DEPTOR: variants seen among roughly 807,000 people sequenced by gnomAD.
DEPTOR encodes the protein DEP domain containing MTOR interacting protein, also known as DEP domain-containing mTOR-interacting protein.
DEPTOR carries 41 observed loss-of-function variants against 41.6 expected under a neutral mutation model. The observed-to-expected ratio is 0.98, with a 90% CI of 0.77 to 1.28. DEPTOR has a LOEUF of 1.28. DEPTOR is among the 50% of genes most tolerant of loss of function. DEPTOR has a pLI of 0.00. For missense variants in DEPTOR, 514 were observed against 527.9 expected (o/e 0.97, Z 0.26); for synonymous variants, 195 against 192.3 (o/e 1.01, Z -0.12).
intron 1 of DEPTOR, among the ~76,000 whole-genome samples, chr8:119,907,601 T>A (rs1413374169): frequency 2.0e-5 from 3 of 152,170 alleles, no homozygotes; most frequent in Non-Finnish European, 4.4e-5. Context: ...GAGACCACAC[T>A]GGCCAACATG....
At chr8:120,019,611 T>C (rs1812667400) in intron 8 of DEPTOR, among the ~76,000 whole-genome samples, 1 of 152,174 alleles carries the variant, frequency 6.6e-6, no homozygotes, top group Non-Finnish European at 1.5e-5. Context: ...TAACTAGGGA[T>C]ATGTGTGGTG....
rs1812863797 is a variant in DEPTOR at position 120,030,170 on chromosome 8, G to A, written c.1102-19406G>A. 2.6e-5 allele frequency among the ~76,000 whole-genome samples: 4 copies of A among 152,082 alleles called. No individual in the cohort carries two copies. The South Asian group carries it at 8.3e-4, about 32-fold the overall frequency. On this transcript the variant is annotated intron_variant, in intron 8 of 8. Transcript: ENST00000286234. The stretch of plus-strand genomic sequence containing the variant: ...AAGCCAGGGGAGGCCAAATACTATG[G>A]CGGACCCTCATCTGTGTAAGCTGGA...
intron 3 of DEPTOR, among the ~76,000 whole-genome samples, chr8:119,933,897 T>TTTTTAG (rs1156876505): frequency 6.6e-6 from 1 of 152,160 alleles, no homozygotes; most frequent in Non-Finnish European, 1.5e-5. Flanking sequence ...TTTATTTTTA[T>TTTTTAG]TTATAAGAGT....
chr8:119,965,316 C>A lies in DEPTOR; in HGVS notation c.510C>A (p.Phe170Leu), dbSNP rs757607698. ...AGCGCACCTTCATGGCATCTGAATT[C>A]CTGGACTGGCTGGTTCAGGAAGGTG... ...KYERTFMASE[F>L]LDWLVQEGEA... Residue 170 changes from phenylalanine to leucine, a missense_variant, in exon 4 of 9, where the codon TTC (phenylalanine) becomes TTA (leucine). Transcript: ENST00000286234. 6 of 1,613,996 alleles carry A rather than the reference C, an allele frequency of 3.7e-6. No individual in the cohort carries two copies. Among genetic ancestry groups the A allele is most frequent in the Non-Finnish European group, 4.2e-6 (5 of 1,180,026 alleles).
At chr8:119,887,485 TC>T (rs1827387922) in intron 1 of DEPTOR, among the ~76,000 whole-genome samples, 1 of 53,808 alleles carries the variant, frequency 1.9e-5, no homozygotes, top group Non-Finnish European at 3.3e-5. Context: ...TCCCCTCCCT[TC>T]CCCTTCCCTT....
At chr8:120,045,767 A>G (rs148845429) in intron 8 of DEPTOR, among the ~76,000 whole-genome samples, 59 of 152,264 alleles carry the variant, frequency 3.9e-4, no homozygotes, top group African/African-American at 1.3e-3. Flanking sequence ...TCCCTTGCCT[A>G]TGTCCTTCCC....
intron 8 of DEPTOR, among the ~76,000 whole-genome samples, chr8:120,022,251 G>A (rs1290868173): frequency 6.6e-6 from 1 of 150,602 alleles, no homozygotes; most frequent in Admixed American, 6.6e-5. Flanking sequence ...GCAAATGCTG[G>A]TATTACAAGT....
At chr8:119,969,286 G>A (rs1038055868) in intron 4 of DEPTOR, among the ~76,000 whole-genome samples, 2 of 151,598 alleles carry the variant, frequency 1.3e-5, no homozygotes, top group Admixed American at 1.3e-4. Flanking sequence ...GCTATAAACA[G>A]AAACACCATA....
chr8:119,984,730 C>T (rs111571491), intron 4 of DEPTOR, among the ~76,000 whole-genome samples: 6 of 152,240 alleles, frequency 3.9e-5, no homozygotes, highest in African/African-American at 9.6e-5. Flanking sequence ...TATAAACATA[C>T]GTGTGCATGT....
At chr8:119,897,258 G>GGAGC (rs1221281930) in intron 1 of DEPTOR, among the ~76,000 whole-genome samples, 1 of 152,116 alleles carries the variant, frequency 6.6e-6, no homozygotes, top group South Asian at 2.1e-4. Flanking sequence ...TTCCAGGTCG[G>GGAGC]GAGCGGTGGC....
chr8:119,972,845 A>G (rs1828651147), intron 4 of DEPTOR, among the ~76,000 whole-genome samples: 1 of 152,218 alleles, frequency 6.6e-6, no homozygotes, highest in African/African-American at 2.4e-5. Context: ...TATAAAGATT[A>G]TTAACCTCTG....
chr8:120,045,936 T>C (rs7836934), intron 8 of DEPTOR, among the ~76,000 whole-genome samples: 17,593 of 151,972 alleles, frequency 0.12, 1,422 homozygotes, highest in African/African-American at 0.22. Context: ...AACACCTGGG[T>C]AAAGGTCCTG....
chr8:119,879,136 A>G (rs1827266191), intron 1 of DEPTOR, among the ~76,000 whole-genome samples: 1 of 151,808 alleles, frequency 6.6e-6, no homozygotes, highest in Admixed American at 6.6e-5. Context: ...TTTGGATACT[A>G]CTTCACAGCC....
intron 3 of DEPTOR, among the ~76,000 whole-genome samples, chr8:119,955,073 G>T (rs529024846): frequency 6.6e-6 from 1 of 152,264 alleles, no homozygotes; most frequent in South Asian, 2.1e-4. Flanking sequence ...GGCCAGGATG[G>T]TCTTGAACTT....
At chr8:119,931,187 GGTGACAGA>G (rs2129859234) in intron 3 of DEPTOR, among the ~76,000 whole-genome samples, 1 of 152,094 alleles carries the variant, frequency 6.6e-6, no homozygotes, top group African/African-American at 2.4e-5. Flanking sequence ...CTCCAACCTG[GGTGACAGA>G]GTGAGACATC....
intron 3 of DEPTOR, among the ~76,000 whole-genome samples, chr8:119,938,963 C>T (rs1249155891): frequency 6.7e-6 from 1 of 149,800 alleles, no homozygotes; most frequent in Non-Finnish European, 1.5e-5. Context: ...CTCTCTCTCT[C>T]TCTCTCTCTC....
At chr8:120,017,887 G>T (rs1351986349) in intron 8 of DEPTOR, among the ~76,000 whole-genome samples, 1 of 152,102 alleles carries the variant, frequency 6.6e-6, no homozygotes, top group Non-Finnish European at 1.5e-5. Flanking sequence ...CTTGTTTCCT[G>T]CCGTGATGAA....
At chr8:119,969,345 GTTTTGTTTTT>G (rs376548168) in intron 4 of DEPTOR, among the ~76,000 whole-genome samples, 56 of 148,416 alleles carry the variant, frequency 3.8e-4, no homozygotes, top group South Asian at 1.3e-3. Context: ...TAATAAATCT[GTTTTGTTTTT>G]TTTTGTTTTT....
At chr8:119,920,302 G>A (rs1472216404) in intron 1 of DEPTOR, among the ~76,000 whole-genome samples, 1 of 152,134 alleles carries the variant, frequency 6.6e-6, no homozygotes, top group Non-Finnish European at 1.5e-5. Flanking sequence ...TATTTGCTAT[G>A]CACTAGAATT....
Sources: allele counts gnomAD v4.1 joint callset (sites outside exome capture counted in the v4.1 genomes callset), GRCh38; gene constraint gnomAD v4.1.1; transcripts MANE v1.5; gene names NCBI Gene and HGNC (gene_info 2026-07-23, HGNC 2026-07-21).